The following C16orf74 variants were observed in gnomAD, a reference collection of about 807,000 sequenced individuals.
The protein encoded by C16orf74 is uncharacterized protein C16orf74.
C16orf74 carries 10 observed loss-of-function variants against 6.5 expected under a neutral mutation model. The observed-to-expected ratio is 1.54, with a 90% CI of 0.95 to 2.61. The LOEUF is 2.61. Ranked by LOEUF, C16orf74 falls within the 30% of genes most tolerant of loss-of-function variation. The pLI, the probability that C16orf74 is intolerant of heterozygous loss-of-function variation, is 0.00. For synonymous variants in C16orf74, 60 were observed against 42.5 expected (o/e 1.41, Z -1.60); for missense variants, 141 against 105.9 (o/e 1.33, Z -1.45).
rs747227433 is a variant in C16orf74 at position 85,708,012 on chromosome 16, G to T, written c.227C>A (p.Ala76Asp). 15 of 1,552,620 alleles carry T rather than the reference G, an allele frequency of 9.7e-6. No homozygotes were observed. The highest frequency in any genetic ancestry group is 1.3e-5 in the Non-Finnish European group (15 of 1,147,532). ...AGCCAAACCCAGGACACCTCCTCAG[G>T]CTTCTGGGTCGATTTCTCCATCATC... ...CPDDGEIDPE[A>D] The change falls in exon 4 of 4, where the codon GCC becomes GAC. Residue 76 changes from alanine to aspartate, a missense_variant. By Grantham distance (126) the Ala-to-Asp change is moderately radical (BLOSUM62 -2). Coordinates refer to ENST00000284245, the MANE Select transcript of C16orf74 (RefSeq NM_206967.3).
intron 2 of C16orf74, among the ~76,000 whole-genome samples, chr16:85,715,590 C>T (rs1368572344): frequency 6.6e-6 from 1 of 152,198 alleles, no homozygotes; most frequent in Non-Finnish European, 1.5e-5. Context: ...AAACTACACA[C>T]ACAGCTTTGC....
chr16:85,723,690 T>C (rs900226255), intron 2 of C16orf74, among the ~76,000 whole-genome samples: 4 of 152,226 alleles, frequency 2.6e-5, no homozygotes, highest in Non-Finnish European at 4.4e-5. Context: ...ACTGAAGTCC[T>C]GCTTGGGCAA....
At chr16:85,710,135 CG>C (rs1344258196) in intron 3 of C16orf74, 28 bp downstream of exon 3, 37 of 1,394,432 alleles carry the variant, frequency 2.7e-5, no homozygotes, top group Non-Finnish European at 3.3e-5. Flanking sequence ...ACAGCCGACC[CG>C]GCTTGGCGGT....
At chr16:85,733,975 AGC>A (rs2054217948) in intron 2 of C16orf74, among the ~76,000 whole-genome samples, 2 of 152,200 alleles carry the variant, frequency 1.3e-5, no homozygotes, top group African/African-American at 4.8e-5. Flanking sequence ...GCTCTCCTGG[AGC>A]GGATTCCTCC....
intron 3 of C16orf74, among the ~76,000 whole-genome samples, chr16:85,709,746 G>A (rs1340495860): frequency 2.0e-5 from 3 of 152,224 alleles, no homozygotes; most frequent in Non-Finnish European, 4.4e-5. Flanking sequence ...GAAGGCCCAG[G>A]GTCCGGCCCC....
chr16:85,720,951 C>G (rs1039144740), intron 2 of C16orf74, among the ~76,000 whole-genome samples: 1 of 149,948 alleles, frequency 6.7e-6, no homozygotes. Flanking sequence ...ATTAGCCAGC[C>G]GTGGTGGTGG....
At chr16:85,721,753 G>A (rs532369549) in intron 2 of C16orf74, among the ~76,000 whole-genome samples, 2 of 152,300 alleles carry the variant, frequency 1.3e-5, no homozygotes, top group South Asian at 4.1e-4. Flanking sequence ...TCCTGGCATG[G>A]AGCTGCTGGC....
intron 2 of C16orf74, among the ~76,000 whole-genome samples, chr16:85,713,976 A>G (rs971659069): frequency 6.6e-6 from 1 of 152,192 alleles, no homozygotes; most frequent in Non-Finnish European, 1.5e-5. Flanking sequence ...CAGAGCCTCC[A>G]GTGACTTCTG....
chr16:85,740,228 AAAG>A (rs1483882722), intron 1 of C16orf74, among the ~76,000 whole-genome samples: 5 of 150,428 alleles, frequency 3.3e-5, no homozygotes, highest in South Asian at 2.1e-4. Flanking sequence ...AAAAAAAAAA[AAAG>A]AAAAAGAAAT....
chr16:85,728,966 G>A (rs531329130), intron 2 of C16orf74, among the ~76,000 whole-genome samples: 1 of 152,188 alleles, frequency 6.6e-6, no homozygotes, highest in Non-Finnish European at 1.5e-5. Context: ...TGATCCAGTG[G>A]GTCCTGAGAA....
At chr16:85,742,921 C>A (rs2054326105) in intron 1 of C16orf74, among the ~76,000 whole-genome samples, 1 of 152,198 alleles carries the variant, frequency 6.6e-6, no homozygotes, top group African/African-American at 2.4e-5. Flanking sequence ...GGTGTCACCT[C>A]ACTACTGTTG....
intron 2 of C16orf74, among the ~76,000 whole-genome samples, chr16:85,730,902 C>A (rs776639581): frequency 8.0e-5 from 12 of 149,300 alleles, no homozygotes; most frequent in Non-Finnish European, 1.2e-4. Flanking sequence ...CCCAGATCAG[C>A]TGACTGAACC....
chr16:85,724,881 T>C (rs1162337582), intron 2 of C16orf74, among the ~76,000 whole-genome samples: 1 of 151,642 alleles, frequency 6.6e-6, no homozygotes, highest in African/African-American at 2.4e-5. Context: ...GATCCAGGAG[T>C]GTGAGGAGGA....
chr16:85,745,128 G>A (rs1312709785), intron 1 of C16orf74, among the ~76,000 whole-genome samples: 13 of 92,410 alleles, frequency 1.4e-4, no homozygotes, highest in Non-Finnish European at 2.2e-4. Context: ...GCAACAAGAC[G>A]AAACTCTGTC....
chr16:85,718,062 G>A (rs943939854), intron 2 of C16orf74, among the ~76,000 whole-genome samples: 3 of 152,304 alleles, frequency 2.0e-5, no homozygotes, highest in South Asian at 2.1e-4. Flanking sequence ...GCTCACGTGC[G>A]CCCTCTACTA....
At chr16:85,727,681 C>T (rs903304363) in intron 2 of C16orf74, among the ~76,000 whole-genome samples, 5 of 151,882 alleles carry the variant, frequency 3.3e-5, no homozygotes, top group Non-Finnish European at 4.4e-5. Flanking sequence ...GGGTGTGGTG[C>T]CTCTTGCCTG....
intron 1 of C16orf74, among the ~76,000 whole-genome samples, chr16:85,740,529 C>T (rs1183087532): frequency 6.6e-6 from 1 of 151,836 alleles, no homozygotes; most frequent in African/African-American, 2.4e-5. Context: ...GGTGAAACCC[C>T]GTCTCTACTA....
chr16:85,713,884 C>T (rs1334465125), intron 2 of C16orf74, among the ~76,000 whole-genome samples: 1 of 152,190 alleles, frequency 6.6e-6, no homozygotes, highest in Non-Finnish European at 1.5e-5. Context: ...GTGCCTGGGA[C>T]CCTCGTGGGA....
At chr16:85,736,242 G>C (rs1247102831) in intron 1 of C16orf74, among the ~76,000 whole-genome samples, 1 of 152,178 alleles carries the variant, frequency 6.6e-6, no homozygotes, top group African/African-American at 2.4e-5. Context: ...CAAGGAGCAA[G>C]TCTGCTTTCT....
Sources: gnomAD v4.1 joint callset for allele counts (sites outside exome capture counted in the v4.1 genomes callset) on GRCh38, gnomAD v4.1.1 for gene constraint, MANE v1.5 for transcripts, NCBI Gene and HGNC (gene_info 2026-07-23, HGNC 2026-07-21) for gene names.